The following ADAMTS14 variants were observed in gnomAD, a reference collection of about 807,000 sequenced individuals.
ADAMTS14 encodes A disintegrin and metalloproteinase with thrombospondin motifs 14.
Under a neutral mutation model 128.6 loss-of-function variants are expected in ADAMTS14, and 100 were observed. The observed-to-expected ratio is 0.78, with a 90% confidence interval of 0.66 to 0.92. The LOEUF is 0.92. Ranked by LOEUF, ADAMTS14 falls within the 40% of genes least tolerant of loss-of-function variation. ADAMTS14 has a pLI of 0.00. For synonymous variants in ADAMTS14, 665 were observed against 653.8 expected, an observed-to-expected ratio of 1.02 and a Z score of -0.26; for missense variants, 1,562 against 1,658.6, an observed-to-expected ratio of 0.94 and a Z score of 1.01.
At chr10:70,727,461 C>T (rs1260520827) in intron 4 of ADAMTS14, among the ~76,000 whole-genome samples, 2 of 152,180 alleles carry the variant, frequency 1.3e-5, no homozygotes, top group Non-Finnish European at 2.9e-5. Flanking sequence ...GAGCTCCGGC[C>T]CAGCTCCTAG....
intron 4 of ADAMTS14, among the ~76,000 whole-genome samples, chr10:70,726,601 A>G (rs1048924494): frequency 1.3e-5 from 2 of 152,214 alleles, no homozygotes; most frequent in Non-Finnish European, 2.9e-5. Flanking sequence ...GAGGTCTGCA[A>G]CACTTACCCA....
rs755513423 is a variant in ADAMTS14 at position 70,749,806 on chromosome 10, T to TC, written c.2264-10dup. On this transcript the variant is annotated splice_polypyrimidine_tract_variant and intron_variant, in intron 15 of 21. Coordinates refer to ENST00000373207, the MANE Select transcript of ADAMTS14 (RefSeq NM_080722.4). ...AGGAGCAGAAATCTGTGTGACCCTC[T>TC]CCCCCCACCGGTCAGTGGTGAAGAA... The TC allele has an allele frequency of 4.3e-6, 7 of 1,611,786 alleles. No individual in the cohort carries two copies. The highest frequency in any genetic ancestry group is 1.3e-5 in the African/African-American group (1 of 74,664).
intron 12 of ADAMTS14, among the ~76,000 whole-genome samples, chr10:70,743,073 G>A (rs1842055769): frequency 1.3e-5 from 2 of 152,166 alleles, no homozygotes; most frequent in Admixed American, 1.3e-4. Flanking sequence ...TGGTTGTGTG[G>A]ACTTGAGCAA....
chr10:70,714,839 G>A (rs1451853460), intron 4 of ADAMTS14, among the ~76,000 whole-genome samples: 2 of 151,620 alleles, frequency 1.3e-5, no homozygotes, highest in African/African-American at 2.4e-5. Context: ...CCAGCTGCTC[G>A]GGAGGCTGAG....
chr10:70,760,050 A>T (rs528944211), intron 21 of ADAMTS14, among the ~76,000 whole-genome samples: 1 of 152,202 alleles, frequency 6.6e-6, no homozygotes, highest in Admixed American at 6.5e-5. Flanking sequence ...TTTCTGATGC[A>T]ATAGGGCTGG....
rs143776739 is a variant in ADAMTS14, at chr10:70,743,665, C to A, written c.2042C>A (p.Ala681Glu). ...CSYRDPYSVC[A>E]RGECVPVGCD... ...TACCGGGACCCATACAGCGTCTGTG[C>A]GCGTGGCGAGTGTGTGGTGGGTGCA... Residue 681 changes from alanine to glutamate, a missense_variant, in exon 13 of 22, where the codon GCG (alanine) becomes GAG (glutamate). Coordinates refer to ENST00000373207, the MANE Select transcript of ADAMTS14 (RefSeq NM_080722.4). 1.9e-6 allele frequency: 3 copies of A among 1,598,742 alleles called. No homozygotes were observed. The highest frequency in any genetic ancestry group is 2.6e-6 in the Non-Finnish European group (3 of 1,171,914).
intron 4 of ADAMTS14, among the ~76,000 whole-genome samples, chr10:70,710,148 A>G (rs1840801561): frequency 6.6e-6 from 1 of 152,220 alleles, no homozygotes; most frequent in Admixed American, 6.5e-5. Context: ...TCAGCATGGG[A>G]CACTGTGCAG....
In ADAMTS14 at chr10:70,760,625, C is replaced by A; in HGVS notation, c.3444C>A (p.Ala1148=). The A allele has an allele frequency of 6.2e-7, 1 of 1,614,140 alleles. No individual in the cohort carries two copies. The highest frequency in any genetic ancestry group is 8.5e-7 in the Non-Finnish European group (1 of 1,180,018). Residue 1148 remains alanine, a synonymous_variant, in exon 22 of 22, where the codon GCC becomes GCA. Coordinates refer to ENST00000373207, the MANE Select transcript of ADAMTS14 (RefSeq NM_080722.4). ...CAGAGGACCATCAGCATGGCCGAGCCACACAGCTCCCAGGAGCTCTGGATA... is the reference window on the plus strand; with the variant it reads ...CAGAGGACCATCAGCATGGCCGAGCAACACAGCTCCCAGGAGCTCTGGATA... ...TGSEDHQHGR[A]TQLPGALDTS...
At chr10:70,703,386 G>T (rs780852951) in intron 3 of ADAMTS14, among the ~76,000 whole-genome samples, 12 of 152,220 alleles carry the variant, frequency 7.9e-5, no homozygotes, top group Non-Finnish European at 1.3e-4. Context: ...GCTCCCTATG[G>T]GACTGGGCCT....
At chr10:70,742,369 G>A (rs1424111958) in intron 12 of ADAMTS14, among the ~76,000 whole-genome samples, 1 of 149,932 alleles carries the variant, frequency 6.7e-6, no homozygotes, top group African/African-American at 2.5e-5. Context: ...TTGCTGCCTA[G>A]AGAGCTGCCT....
chr10:70,749,126 G>A (rs762890414), intron 15 of ADAMTS14, among the ~76,000 whole-genome samples: 1 of 152,220 alleles, frequency 6.6e-6, no homozygotes, highest in East Asian at 1.9e-4. Context: ...TGGGAGAGGT[G>A]TGGCATCTGC....
At chr10:70,755,873 A>G (rs1268881883) in intron 19 of ADAMTS14, among the ~76,000 whole-genome samples, 1 of 152,224 alleles carries the variant, frequency 6.6e-6, no homozygotes, top group Non-Finnish European at 1.5e-5. Flanking sequence ...ATTAGTTAAG[A>G]TGGCAAACTT....
intron 4 of ADAMTS14, among the ~76,000 whole-genome samples, chr10:70,722,601 G>C (rs1236756917): frequency 6.6e-6 from 1 of 152,200 alleles, no homozygotes; most frequent in African/African-American, 2.4e-5. Flanking sequence ...GAATATGCAA[G>C]ATGACCCCGG....
At chr10:70,758,902 G>C (rs371250272) in intron 21 of ADAMTS14, among the ~76,000 whole-genome samples, 12 of 152,138 alleles carry the variant, frequency 7.9e-5, no homozygotes, top group African/African-American at 2.7e-4. Context: ...CTACGTGCCA[G>C]GCTGTAGATT....
chr10:70,673,349 G>A (rs1839540850), intron 1 of ADAMTS14, among the ~76,000 whole-genome samples: 2 of 152,076 alleles, frequency 1.3e-5, no homozygotes, highest in South Asian at 4.2e-4. Flanking sequence ...CAGAGCATGC[G>A]GGGCACTCAC....
chr10:70,684,144 A>G (rs1839890683), intron 2 of ADAMTS14, among the ~76,000 whole-genome samples: 1 of 151,946 alleles, frequency 6.6e-6, no homozygotes, highest in African/African-American at 2.4e-5. Context: ...GGAGCAAGAT[A>G]GAGAGCAGGG....
At chr10:70,676,571 C>T (rs117252909) in intron 2 of ADAMTS14, among the ~76,000 whole-genome samples, 1,762 of 152,286 alleles carry the variant, frequency 0.012, 33 homozygotes, top group African/African-American at 0.025. Flanking sequence ...CTGATCATTA[C>T]CAAACTCTGC....
intron 12 of ADAMTS14, 101 bp downstream of exon 12, chr10:70,741,263 G>T: frequency 1.4e-6 from 2 of 1,400,080 alleles, no homozygotes; most frequent in Non-Finnish European, 1.9e-6. Context: ...ACCAGTGAAG[G>T]TGGAGGGACA....
At chr10:70,740,529 C>T (rs1841963678) in intron 11 of ADAMTS14, among the ~76,000 whole-genome samples, 1 of 152,160 alleles carries the variant, frequency 6.6e-6, no homozygotes, top group African/African-American at 2.4e-5. Context: ...ATTCCAAATC[C>T]AAGTTTCTTT....
Sources: gnomAD v4.1 joint callset for allele counts (sites outside exome capture counted in the v4.1 genomes callset) on GRCh38, gnomAD v4.1.1 for gene constraint, MANE v1.5 for transcripts, NCBI Gene and HGNC (gene_info 2026-07-23, HGNC 2026-07-21) for gene names.